IQCH: variants seen among roughly 807,000 people sequenced by gnomAD.
The protein encoded by IQCH is IQ motif containing H.
IQCH carries 98 observed loss-of-function variants against 117.0 expected under a neutral mutation model. That is an observed-to-expected ratio of 0.84 (90% CI 0.71 to 0.99). IQCH has a LOEUF of 0.99. Among genes scored for constraint, IQCH ranks in the 50% least tolerant of loss-of-function variants. The pLI is 0.00. For synonymous variants in IQCH, 412 were observed against 448.2 expected (o/e 0.92, Z 1.02); for missense variants, 1,102 against 1,243.8 (o/e 0.89, Z 1.72).
At position 67,330,602 on chromosome 15, in the gene IQCH, G is replaced by A. The variant is rs142696630; in HGVS notation, c.388-6373G>A. 2.9e-3 allele frequency among the ~76,000 whole-genome samples: 440 copies of A among 152,188 alleles called. 15 individuals carry two copies. The highest frequency in any genetic ancestry group is 7.7e-4 in the East Asian group (4 of 5,186). On this transcript the variant is annotated intron_variant, in intron 4 of 20. Transcript: ENST00000335894. ...GAGTGGTAGGACATAGGGTAGAGCC[G>A]GTGACCTAAGCTGTGCTTGGTGAAA...
chr15:67,348,945 T>C (rs1432925448), intron 6 of IQCH, among the ~76,000 whole-genome samples: 2 of 152,050 alleles, frequency 1.3e-5, no homozygotes, highest in Non-Finnish European at 2.9e-5. Context: ...AGTACAGAAA[T>C]AGAACCACAC....
chr15:67,470,331 C>T (rs12899231), intron 17 of IQCH, among the ~76,000 whole-genome samples: 130,948 of 152,142 alleles, frequency 0.86, 56,408 homozygotes, highest in Middle Eastern at 0.89. Flanking sequence ...GCGCCCGCGA[C>T]CATGCCTGGC....
Position 67,421,406 on chromosome 15 carries a change from T to C in IQCH, c.2334T>C (p.Ala778=). 6.2e-7 allele frequency: 1 copy of C among 1,614,216 alleles called. No homozygotes were observed. Among genetic ancestry groups the C allele is most frequent in the Non-Finnish European group, 8.5e-7 (1 of 1,180,020 alleles). Residue 778 remains alanine (A), a synonymous_variant, in exon 16 of 21, where the codon GCT becomes GCC. Coordinates refer to ENST00000335894, the MANE Select transcript of IQCH (RefSeq NM_001031715.3). The stretch of plus-strand genomic sequence containing the variant: ...TGTCGACAGGGGACCAGCTTCATGC[T>C]GAAAGCCCCTTCATCTCCTCTGGTA... ...SVLSTGDQLH[A]ESPFISSGTT...
In IQCH at chr15:67,324,287, T is replaced by C. The variant is rs554064833; in HGVS notation, c.388-12688T>C. On this transcript the variant is annotated intron_variant, in intron 4 of 20. Coordinates refer to ENST00000335894, the MANE Select transcript of IQCH (RefSeq NM_001031715.3). ...GAAAGCTCATGCCTGCTGGTAACACTTGCCTGTCTTTTGTCCAAAAAAAAA... is the reference window on the plus strand; with the variant it reads ...GAAAGCTCATGCCTGCTGGTAACACCTGCCTGTCTTTTGTCCAAAAAAAAA... Among the ~76,000 whole-genome samples the C allele has an allele frequency of 6.7e-5, 10 of 149,668 alleles. No homozygotes were observed. In the Admixed American group the frequency reaches 6.8e-4, roughly 10 times the overall value.
intron 16 of IQCH, among the ~76,000 whole-genome samples, chr15:67,449,985 C>G (rs1239946270): frequency 6.6e-6 from 1 of 152,112 alleles, no homozygotes; most frequent in Non-Finnish European, 1.5e-5. Context: ...CTCTTTGAAG[C>G]AATTGTGAAT....
At chr15:67,423,977 A>G (rs1029283168) in intron 16 of IQCH, among the ~76,000 whole-genome samples, 1 of 152,156 alleles carries the variant, frequency 6.6e-6, no homozygotes, top group Admixed American at 6.6e-5. Context: ...GCTTTTATTT[A>G]TTTGAGTTTG....
intron 6 of IQCH, among the ~76,000 whole-genome samples, chr15:67,350,362 G>A (rs1478106017): frequency 6.6e-6 from 1 of 152,154 alleles, no homozygotes; most frequent in Non-Finnish European, 1.5e-5. Context: ...TGGGGATGGG[G>A]AGAGTAGTTG....
chr15:67,369,067 A>G lies in IQCH; in HGVS notation c.754-3044A>G, dbSNP rs1349272110. Among the ~76,000 whole-genome samples the G allele has an allele frequency of 6.6e-6, 1 of 152,138 alleles. No individual in the cohort carries two copies. Among genetic ancestry groups the G allele is most frequent in the Non-Finnish European group, 1.5e-5 (1 of 68,028 alleles). On this transcript the variant is annotated intron_variant, in intron 8 of 20. Coordinates refer to ENST00000335894, the MANE Select transcript of IQCH (RefSeq NM_001031715.3). The surrounding 1 kb of genome is among the most constrained non-coding windows in gnomAD (Gnocchi z 5.2). Reference sequence around the variant, plus strand: ...CACCCAGCTAGTATTTCTAAATTTTAGAATGCAACACTGGGTCTATCTTTT... The same window carrying G: ...CACCCAGCTAGTATTTCTAAATTTTGGAATGCAACACTGGGTCTATCTTTT...
At chr15:67,286,689 C>T (rs1436694087) in intron 4 of IQCH, among the ~76,000 whole-genome samples, 3 of 151,926 alleles carry the variant, frequency 2.0e-5, no homozygotes, top group Admixed American at 1.3e-4. Context: ...GGCTTACTGT[C>T]ACCTCTGCTT....
At chr15:67,392,883 C>A (rs1971333957) in intron 12 of IQCH, among the ~76,000 whole-genome samples, 1 of 151,564 alleles carries the variant, frequency 6.6e-6, no homozygotes, top group South Asian at 2.1e-4. Flanking sequence ...GGAGGAAGGG[C>A]CCAATAGGGG....
chr15:67,442,900 T>TAC (rs1443207386), intron 16 of IQCH, among the ~76,000 whole-genome samples: 1 of 150,342 alleles, frequency 6.7e-6, no homozygotes, highest in Non-Finnish European at 1.5e-5. Context: ...CATATAGATA[T>TAC]ACATACACAC....
chr15:67,421,317 G>T lies in IQCH; in HGVS notation c.2245G>T (p.Ala749Ser). Residue 749 changes from alanine (A) to serine (S), a missense_variant, in exon 16 of 21, where the codon GCA becomes TCA. Coordinates refer to ENST00000335894, the MANE Select transcript of IQCH (RefSeq NM_001031715.3). The part of the protein sequence containing the change: ...QGGVIEAFPP[A>S]DNVTNLTVDM... ...GGGTGTGATCGAAGCATTCCCACCTGCAGACAATGTCACCAACCTCACAGT... is the reference window on the plus strand; with the variant it reads ...GGGTGTGATCGAAGCATTCCCACCTTCAGACAATGTCACCAACCTCACAGT... The T allele has an allele frequency of 6.2e-7, 1 of 1,614,088 alleles. No homozygotes were observed. Among genetic ancestry groups the T allele is most frequent in the Non-Finnish European group, 8.5e-7 (1 of 1,179,988 alleles).
chr15:67,284,400 A>T (rs1966481034), intron 4 of IQCH, among the ~76,000 whole-genome samples: 1 of 152,148 alleles, frequency 6.6e-6, no homozygotes, highest in Non-Finnish European at 1.5e-5. Context: ...GCTGAATAGT[A>T]CTTCACTGTG....
At position 67,356,067 on chromosome 15, in the gene IQCH, G is replaced by C. The variant is rs1969878683; in HGVS notation, c.638-1278G>C. On this transcript the variant is annotated intron_variant, in intron 6 of 20. Transcript: ENST00000335894. The surrounding 1 kb of genome is among the most constrained non-coding windows in gnomAD (Gnocchi z 5.3). ...CTGAAAGTTAAACAAAAATTGTACT[G>C]AGTCTGCAGACAATAGGAATAACAA... is the stretch of plus-strand genomic sequence containing the variant. Among the ~76,000 whole-genome samples, 1 of 152,114 alleles carries C rather than the reference G, an allele frequency of 6.6e-6. No individual in the cohort carries two copies. Among genetic ancestry groups the C allele is most frequent in the Admixed American group, 6.5e-5 (1 of 15,272 alleles).
intron 4 of IQCH, among the ~76,000 whole-genome samples, chr15:67,324,158 G>A (rs991064588): frequency 6.6e-6 from 1 of 151,620 alleles, no homozygotes; most frequent in Non-Finnish European, 1.5e-5. Context: ...TGGCCAGGCT[G>A]CTGGTCTCGA....
intron 3 of IQCH, among the ~76,000 whole-genome samples, chr15:67,270,002 G>A (rs563571233): frequency 6.6e-6 from 1 of 152,234 alleles, no homozygotes; most frequent in South Asian, 2.1e-4. Context: ...TATATACCCA[G>A]TAGTGGGATG....
At chr15:67,280,439 G>A (rs529860441) in intron 4 of IQCH, among the ~76,000 whole-genome samples, 106 of 152,312 alleles carry the variant, frequency 7.0e-4, no homozygotes, top group African/African-American at 2.5e-3. Flanking sequence ...GGAATTCAAA[G>A]GTCAAGGTGC....
At chr15:67,270,970 A>G (rs1406782338) in intron 3 of IQCH, among the ~76,000 whole-genome samples, 2 of 152,162 alleles carry the variant, frequency 1.3e-5, no homozygotes, top group Non-Finnish European at 1.5e-5. Context: ...TCATCCTTGT[A>G]TCCCTGAGAT....
chr15:67,466,517 C>T lies in IQCH; in HGVS notation c.2676+1220C>T, dbSNP rs2082937282. 6.6e-6 allele frequency: 1 copy of T among 152,260 alleles called. No homozygotes were observed. The highest frequency in any genetic ancestry group is 6.5e-5 in the Admixed American group (1 of 15,276). The allele number at this position is 152,260 out of a possible 1,614,324, so 9.4% of individuals were successfully genotyped here. ...ACCTTTTCCAAGCGGTCTCCTGCCT[C>T]TCTGTGAACCCCTTTGGGTCCAGTC... On this transcript the variant is annotated intron_variant, in intron 17 of 20. Coordinates refer to ENST00000335894, the MANE Select transcript of IQCH (RefSeq NM_001031715.3). This position sits in a 1 kb window ranked among gnomAD's most constrained non-coding sequence, Gnocchi z 4.4.
Sources: allele counts gnomAD v4.1 joint callset (sites outside exome capture counted in the v4.1 genomes callset), GRCh38; gene constraint gnomAD v4.1.1; non-coding constraint Gnocchi (gnomAD v3.1); transcripts MANE v1.5; gene names NCBI Gene and HGNC (gene_info 2026-07-23, HGNC 2026-07-21).